The following PARD3B variants were observed in gnomAD, a reference collection of about 807,000 sequenced individuals.
PARD3B encodes partitioning defective 3 homolog B.
A neutral mutation model predicts 130.2 loss-of-function variants in PARD3B; 103 were observed. That is an observed-to-expected ratio of 0.79 (90% CI 0.67 to 0.93). The LOEUF is 0.93. PARD3B is among the 40% of genes least tolerant of loss of function. The pLI is 0.00. For missense variants in PARD3B, 1,609 were observed against 1,499.2 expected (o/e 1.07, Z -1.21); for synonymous variants, 583 against 553.2 (o/e 1.05, Z -0.76).
At chr2:205,031,988 A>G (rs1002113999) in intron 3 of PARD3B, among the ~76,000 whole-genome samples, 2 of 152,166 alleles carry the variant, frequency 1.3e-5, no homozygotes, top group South Asian at 2.1e-4. Flanking sequence ...TAACCAAATT[A>G]TGTCTTCCCA....
intron 3 of PARD3B, among the ~76,000 whole-genome samples, chr2:205,019,488 C>T (rs1368947): frequency 0.99 from 151,456 of 152,240 alleles, 75,344 homozygotes; most frequent in Non-Finnish European, 1. Context: ...TGATTTCTTC[C>T]AAATATATAC....
At chr2:205,016,579 T>C (rs556955309) in intron 3 of PARD3B, among the ~76,000 whole-genome samples, 1 of 152,066 alleles carries the variant, frequency 6.6e-6, no homozygotes, top group South Asian at 2.1e-4. Context: ...ATAAAGCAAA[T>C]GAAAGTAGGG....
rs1315103979 is a variant in PARD3B, at chr2:205,176,475, C to T, written c.1822C>T (p.Pro608Ser). Residue 608 changes from proline (P) to serine (S), a missense_variant, in exon 13 of 23, where the codon CCA becomes TCA. Coordinates refer to ENST00000406610, the MANE Select transcript of PARD3B (RefSeq NM_001302769.2). This position sits in a 1 kb window ranked among gnomAD's most constrained non-coding sequence, Gnocchi z 5.3. ...TGCAGAGTGTGGGGCATTTTCCAAG[C>T]CATGCTTTGAGAACTGTCAAAATGC... ...DPAECGAFSK[P>S]CFENCQNAVT... 1 of 1,611,016 alleles carries T rather than the reference C, an allele frequency of 6.2e-7. No individual in the cohort carries two copies. The highest frequency in any genetic ancestry group is 1.1e-5 in the South Asian group (1 of 90,416).
At chr2:205,222,089 G>A (rs897708230) in intron 15 of PARD3B, among the ~76,000 whole-genome samples, 7 of 150,236 alleles carry the variant, frequency 4.7e-5, no homozygotes, top group African/African-American at 1.7e-4. Context: ...CTCTACATGC[G>A]CCTCTGAACT....
Position 204,678,809 on chromosome 2 carries a change from G to C in PARD3B, c.121-7372G>C, listed in dbSNP as rs1432337573. Among the ~76,000 whole-genome samples, 2 of 152,118 alleles carry C rather than the reference G, an allele frequency of 1.3e-5. No homozygotes were observed. Among genetic ancestry groups the C allele is most frequent in the African/African-American group, 4.8e-5 (2 of 41,422 alleles). ...ATAACTGTTTTCATTTAGGGCTGCA[G>C]ATTCCAGGCTCGAGGGTGGGTTCTT... On this transcript the variant is annotated intron_variant, in intron 1 of 22. Transcript: ENST00000406610. This position sits in a 1 kb window ranked among gnomAD's most constrained non-coding sequence, Gnocchi z 4.2.
At chr2:204,964,708 G>C (rs1178598754) in intron 2 of PARD3B, among the ~76,000 whole-genome samples, 1 of 152,134 alleles carries the variant, frequency 6.6e-6, no homozygotes, top group Admixed American at 6.6e-5. Flanking sequence ...TAGGCATCTT[G>C]TAATGTGTTT....
At chr2:205,339,484 T>G (rs1050852568) in intron 18 of PARD3B, among the ~76,000 whole-genome samples, 5 of 152,294 alleles carry the variant, frequency 3.3e-5, no homozygotes, top group African/African-American at 1.2e-4. Flanking sequence ...TGGTAGAAAT[T>G]ATCTGAGAAC....
At chr2:205,400,180 ACT>A (rs1342066114) in intron 18 of PARD3B, among the ~76,000 whole-genome samples, 2 of 152,000 alleles carry the variant, frequency 1.3e-5, no homozygotes, top group Non-Finnish European at 2.9e-5. Flanking sequence ...TTAGTTTCTC[ACT>A]CTCTATTGCA....
intron 2 of PARD3B, among the ~76,000 whole-genome samples, chr2:204,803,144 G>GA (rs67190837): frequency 1.1e-3 from 134 of 120,124 alleles, no homozygotes; most frequent in African/African-American, 2.8e-3. Context: ...AGTGCTGAAG[G>GA]AAAAAAAAAA....
intron 18 of PARD3B, among the ~76,000 whole-genome samples, chr2:205,302,332 A>G (rs1313635098): frequency 6.6e-6 from 1 of 150,824 alleles, no homozygotes; most frequent in African/African-American, 2.4e-5. Flanking sequence ...TGGCCTCCCA[A>G]AGTGCTGGGG....
At chr2:205,381,338 T>G (rs1422011711) in intron 18 of PARD3B, among the ~76,000 whole-genome samples, 3 of 149,778 alleles carry the variant, frequency 2.0e-5, no homozygotes, top group African/African-American at 7.4e-5. Context: ...CAATGACAAC[T>G]GCTGCTCATA....
At chr2:204,910,521 A>C (rs1441002739) in intron 2 of PARD3B, among the ~76,000 whole-genome samples, 1 of 152,234 alleles carries the variant, frequency 6.6e-6, no homozygotes, top group Non-Finnish European at 1.5e-5. Context: ...TTTCAAAGAA[A>C]ATCTGAAAAA....
intron 22 of PARD3B, among the ~76,000 whole-genome samples, chr2:205,611,438 C>T (rs924014275): frequency 1.3e-5 from 2 of 152,206 alleles, no homozygotes; most frequent in African/African-American, 4.8e-5. Flanking sequence ...ATGAAAAATA[C>T]TGACATACTG....
chr2:204,788,580 A>G (rs2042092073), intron 2 of PARD3B, among the ~76,000 whole-genome samples: 1 of 152,218 alleles, frequency 6.6e-6, no homozygotes, highest in South Asian at 2.1e-4. Context: ...TTCTGATGGT[A>G]AGATTTCTTT....
At chr2:205,278,064 TA>T (rs549014761) in intron 16 of PARD3B, among the ~76,000 whole-genome samples, 48 of 152,004 alleles carry the variant, frequency 3.2e-4, no homozygotes, top group Non-Finnish European at 5.6e-4. Context: ...GGATTTCAAG[TA>T]GGAAGGGTTA....
chr2:205,616,719 G>A lies in PARD3B; in HGVS notation c.*906G>A, dbSNP rs1176240183. ...GGGGTCTCTAAGGTTCCCACTTGAG[G>A]GCTAAAATGTAGTTGGGAAAGAGGG... is the stretch of plus-strand genomic sequence containing the variant. On this transcript the variant is annotated 3_prime_UTR_variant, in exon 23 of 23. Coordinates refer to ENST00000406610, the MANE Select transcript of PARD3B (RefSeq NM_001302769.2). 1 of 152,226 alleles carries A rather than the reference G, an allele frequency of 6.6e-6. No homozygotes were observed. Among genetic ancestry groups the A allele is most frequent in the Non-Finnish European group, 1.5e-5 (1 of 68,128 alleles). The allele number at this position is 152,226 out of a possible 1,614,324, so 9.4% of individuals were successfully genotyped here.
chr2:205,440,065 A>G lies in PARD3B; in HGVS notation c.2742-305A>G, dbSNP rs555982344. ...TGCACTGTTCCCACAAGCACATGCC[A>G]TCTGTGGGGAGGGAATGTGAATGAA... is the stretch of plus-strand genomic sequence containing the variant. On this transcript the variant is annotated intron_variant, in intron 19 of 22. Coordinates refer to ENST00000406610, the MANE Select transcript of PARD3B (RefSeq NM_001302769.2). This position sits in a 1 kb window ranked among gnomAD's most constrained non-coding sequence, Gnocchi z 4.2. Among the ~76,000 whole-genome samples the G allele has an allele frequency of 6.6e-5, 10 of 152,302 alleles. No individual in the cohort carries two copies. In the East Asian group the frequency reaches 1.7e-3, roughly 26 times the overall value.
At chr2:205,145,290 G>T (rs1385196764) in intron 10 of PARD3B, among the ~76,000 whole-genome samples, 1 of 151,004 alleles carries the variant, frequency 6.6e-6, no homozygotes, top group East Asian at 2.0e-4. Flanking sequence ...TTGTCTTTCT[G>T]TACAGAAACT....
intron 22 of PARD3B, among the ~76,000 whole-genome samples, chr2:205,614,947 G>A (rs953281200): frequency 2.0e-5 from 3 of 152,210 alleles, no homozygotes; most frequent in Middle Eastern, 3.4e-3. Flanking sequence ...CTATCACCAT[G>A]CCTAGGACAG....
Sources: allele counts gnomAD v4.1 joint callset (sites outside exome capture counted in the v4.1 genomes callset), GRCh38; gene constraint gnomAD v4.1.1; non-coding constraint Gnocchi (gnomAD v3.1); transcripts MANE v1.5; gene names NCBI Gene and HGNC (gene_info 2026-07-23, HGNC 2026-07-21).